GPR107: variants seen among roughly 807,000 people sequenced by gnomAD.
GPR107 encodes G protein-coupled receptor 107.
In GPR107, 31 loss-of-function variants were observed where a neutral mutation model predicts 75.5. That is an observed-to-expected ratio of 0.41 (90% CI 0.31 to 0.55). The LOEUF (loss-of-function observed/expected upper bound fraction) is 0.55. Ranked by LOEUF, GPR107 falls within the 20% of genes least tolerant of loss-of-function variation. GPR107 has a pLI of 0.26. For missense variants in GPR107, 572 were observed against 665.7 expected (o/e 0.86, Z 1.55); for synonymous variants, 267 against 251.3 (o/e 1.06, Z -0.59).
At chr9:130,073,980 C>T (rs1290169349) in intron 1 of GPR107, among the ~76,000 whole-genome samples, 1 of 152,168 alleles carries the variant, frequency 6.6e-6, no homozygotes, top group Non-Finnish European at 1.5e-5. Context: ...TGGTCTCGAA[C>T]TCCTGACCCC....
chr9:130,118,602 A>G (rs1831479901), intron 14 of GPR107, among the ~76,000 whole-genome samples: 1 of 152,092 alleles, frequency 6.6e-6, no homozygotes, highest in Admixed American at 6.5e-5. Context: ...CCCACAGGAC[A>G]GGAGGTCAGC....
At chr9:130,061,818 C>T (rs1158560006) in intron 1 of GPR107, among the ~76,000 whole-genome samples, 1 of 152,064 alleles carries the variant, frequency 6.6e-6, no homozygotes, top group Non-Finnish European at 1.5e-5. Context: ...GTGATGGGCA[C>T]CTGTAATCCC....
chr9:130,072,143 A>G (rs937959570), intron 1 of GPR107, among the ~76,000 whole-genome samples: 2 of 130,252 alleles, frequency 1.5e-5, no homozygotes, highest in Admixed American at 7.4e-5. Flanking sequence ...TAATTTTTGT[A>G]TTTAGTAGAT....
chr9:130,121,878 ATTTATT>A (rs1028100868), intron 14 of GPR107, among the ~76,000 whole-genome samples: 1 of 150,614 alleles, frequency 6.6e-6, no homozygotes. Context: ...GGAGAGACTT[ATTTATT>A]TTTATTTTAT....
At position 130,139,480 on chromosome 9, in the gene GPR107, GA is replaced by G. The variant is rs2132670547; in HGVS notation, c.*4364del. 1 of 152,328 alleles carries G rather than the reference GA, an allele frequency of 6.6e-6. No individual in the cohort carries two copies. Among genetic ancestry groups the G allele is most frequent in the Admixed American group, 6.5e-5 (1 of 15,304 alleles). 9.4% of individuals were successfully genotyped at this position (152,328 alleles called of 1,614,324 possible). On this transcript the variant is annotated 3_prime_UTR_variant, in exon 18 of 18. Transcript: ENST00000347136. The stretch of plus-strand genomic sequence containing the variant: ...GAGCCTCTCTGCGTGGTTTATGCTT[GA>G]AAAATAGATAATGCTTTTAGATGGT...
At chr9:130,059,446 C>T (rs1017725702) in intron 1 of GPR107, among the ~76,000 whole-genome samples, 1 of 152,070 alleles carries the variant, frequency 6.6e-6, no homozygotes, top group Non-Finnish European at 1.5e-5. Context: ...TGAGATTGTG[C>T]CACTGCACTC....
intron 16 of GPR107, 125 bp from the exon 17 acceptor site, chr9:130,128,515 G>C (rs1011890877): frequency 1.0e-5 from 8 of 790,158 alleles, no homozygotes; most frequent in Non-Finnish European, 1.5e-5. Context: ...GCAGGAAGTG[G>C]CATCTGAGTA....
chr9:130,105,251 CTTT>C (rs199783444), intron 13 of GPR107, among the ~76,000 whole-genome samples: 4 of 144,364 alleles, frequency 2.8e-5, no homozygotes, highest in African/African-American at 2.5e-5. Context: ...ACAAGTGCTT[CTTT>C]TTTTTTTTTT....
intron 1 of GPR107, among the ~76,000 whole-genome samples, chr9:130,061,674 T>G (rs1349636261): frequency 6.6e-6 from 1 of 152,204 alleles, no homozygotes; most frequent in Non-Finnish European, 1.5e-5. Flanking sequence ...CCGGGCGTGG[T>G]GGCTCACGCC....
At chr9:130,133,148 G>A (rs564344592) in intron 17 of GPR107, 27 of 152,294 alleles carry the variant, frequency 1.8e-4, no homozygotes, top group African/African-American at 4.8e-4. Flanking sequence ...CCTGGGCTGT[G>A]GGCTCCGAAG....
intron 10 of GPR107, among the ~76,000 whole-genome samples, chr9:130,099,955 C>T (rs1293947441): frequency 4.7e-5 from 6 of 128,406 alleles, no homozygotes; most frequent in East Asian, 2.7e-4. Context: ...AGTGCAGTGG[C>T]GTGATCTCTG....
chr9:130,115,615 A>G (rs1831405120), intron 14 of GPR107, among the ~76,000 whole-genome samples: 1 of 151,854 alleles, frequency 6.6e-6, no homozygotes, highest in Admixed American at 6.6e-5. Context: ...AAATACAAAA[A>G]ATTAGCTGGC....
chr9:130,136,436 T>C lies in GPR107; in HGVS notation c.*1315T>C, dbSNP rs1158712717. ...CCCCATCAGGGAAGCTTCTTAATGC[T>C]TGGGGGGCCAGCTAGGTAGGGTTGC... On this transcript the variant is annotated 3_prime_UTR_variant, in exon 18 of 18. Transcript: ENST00000347136. 1 of 152,210 alleles carries C rather than the reference T, an allele frequency of 6.6e-6. No homozygotes were observed. The highest frequency in any genetic ancestry group is 2.4e-5 in the African/African-American group (1 of 41,456). 9.4% of individuals were successfully genotyped at this position (152,210 alleles called of 1,614,324 possible).
At chr9:130,109,865 G>A (rs1362741652) in intron 14 of GPR107, among the ~76,000 whole-genome samples, 2 of 152,186 alleles carry the variant, frequency 1.3e-5, no homozygotes, top group Non-Finnish European at 2.9e-5. Context: ...CCCCGCGCCC[G>A]GCTAGGCTTT....
At chr9:130,130,954 A>AC (rs1324992353) in intron 17 of GPR107, among the ~76,000 whole-genome samples, 1 of 151,726 alleles carries the variant, frequency 6.6e-6, no homozygotes, top group Non-Finnish European at 1.5e-5. Flanking sequence ...TGTGTGGCAG[A>AC]AGGAACCTGT....
At chr9:130,074,628 C>T (rs1830296051) in intron 1 of GPR107, among the ~76,000 whole-genome samples, 1 of 152,062 alleles carries the variant, frequency 6.6e-6, no homozygotes, top group Non-Finnish European at 1.5e-5. Context: ...CTCACCAAAC[C>T]TTAGGATTAT....
At chr9:130,096,244 G>C (rs1275516022) in intron 9 of GPR107, among the ~76,000 whole-genome samples, 1 of 152,030 alleles carries the variant, frequency 6.6e-6, no homozygotes, top group Non-Finnish European at 1.5e-5. Context: ...AGGCTATTCT[G>C]GCCTTGACTT....
At chr9:130,063,979 A>AT (rs1330455247) in intron 1 of GPR107, among the ~76,000 whole-genome samples, 2 of 149,864 alleles carry the variant, frequency 1.3e-5, no homozygotes, top group African/African-American at 4.9e-5. Flanking sequence ...TAATTTTTGT[A>AT]TTTTTAGTAG....
Position 130,107,959 on chromosome 9 carries a change from A to G in GPR107, c.1306+420A>G, listed in dbSNP as rs75756565. Among the ~76,000 whole-genome samples the G allele has an allele frequency of 5.3e-3, 800 of 152,362 alleles. 7 individuals carry two copies. The highest frequency in any genetic ancestry group is 0.018 in the African/African-American group (764 of 41,592). On this transcript the variant is annotated intron_variant, in intron 14 of 17. Transcript: ENST00000347136. Reference sequence around the variant, plus strand: ...AACACACTTTCAAAATAGATGTGTCAGTATTCATTTAAAGCAAGACTCTGA... The same window carrying G: ...AACACACTTTCAAAATAGATGTGTCGGTATTCATTTAAAGCAAGACTCTGA...
Sources: allele counts gnomAD v4.1 joint callset (sites outside exome capture counted in the v4.1 genomes callset), GRCh38; gene constraint gnomAD v4.1.1; transcripts MANE v1.5; gene names NCBI Gene and HGNC (gene_info 2026-07-23, HGNC 2026-07-21).